Variants in MECOM observed in about 807,000 individuals in gnomAD.
MECOM encodes MDS1 and EVI1 complex locus.
Under a neutral mutation model 116.3 loss-of-function variants are expected in MECOM, and 13 were observed. The ratio of observed to expected loss-of-function variants is 0.11; its 90% CI spans 0.07 to 0.18. The LOEUF (loss-of-function observed/expected upper bound fraction) is 0.18, where lower values mean the gene tolerates loss of function less well. MECOM is among the 10% of genes least tolerant of loss of function. MECOM has a pLI of 1.00. For missense variants in MECOM, 1,299 were observed against 1,509.0 expected (o/e 0.86, Z 2.31); for synonymous variants, 528 against 535.2 (o/e 0.99, Z 0.19).
At chr3:169,615,750 A>T (rs1349393783) in intron 1 of MECOM, among the ~76,000 whole-genome samples, 1 of 152,244 alleles carries the variant, frequency 6.6e-6, no homozygotes, top group African/African-American at 2.4e-5. Context: ...TTGCAACTCA[A>T]ACAATGAATC....
chr3:169,415,313 CT>C (rs1453601061), intron 1 of MECOM, among the ~76,000 whole-genome samples: 1 of 152,154 alleles, frequency 6.6e-6, no homozygotes, highest in Non-Finnish European at 1.5e-5. Context: ...AAATAAAATC[CT>C]TTACAGACAA....
chr3:169,644,359 C>T (rs1003145459), intron 1 of MECOM, among the ~76,000 whole-genome samples: 2 of 152,018 alleles, frequency 1.3e-5, no homozygotes, highest in Admixed American at 6.6e-5. Context: ...TGGATTCAAG[C>T]GATTCTCTTT....
chr3:169,450,492 G>A (rs756491763), intron 1 of MECOM, among the ~76,000 whole-genome samples: 3 of 151,842 alleles, frequency 2.0e-5, no homozygotes, highest in Admixed American at 1.3e-4. Flanking sequence ...CCTGGTGACT[G>A]GAAACTACTC....
At chr3:169,212,166 A>T (rs1750807625) in intron 2 of MECOM, among the ~76,000 whole-genome samples, 2 of 152,042 alleles carry the variant, frequency 1.3e-5, no homozygotes, top group South Asian at 4.2e-4. Context: ...AACTACCCAC[A>T]TTTTTTCTCT....
chr3:169,442,905 T>C (rs1442104387), intron 1 of MECOM, among the ~76,000 whole-genome samples: 1 of 152,152 alleles, frequency 6.6e-6, no homozygotes, highest in African/African-American at 2.4e-5. Flanking sequence ...TGTATTACAG[T>C]CATTTGAATG....
At chr3:169,651,084 C>G (rs1412490455) in intron 1 of MECOM, among the ~76,000 whole-genome samples, 1 of 152,122 alleles carries the variant, frequency 6.6e-6, no homozygotes, top group Non-Finnish European at 1.5e-5. Flanking sequence ...TGTCTTGTTC[C>G]AGTTTGCAGA....
chr3:169,541,675 G>A (rs193225911), intron 1 of MECOM, among the ~76,000 whole-genome samples: 7 of 152,262 alleles, frequency 4.6e-5, no homozygotes, highest in Admixed American at 2.0e-4. Flanking sequence ...CTGCCATTCC[G>A]GATGCCCCTT....
intron 2 of MECOM, among the ~76,000 whole-genome samples, chr3:169,306,935 T>C (rs996712478): frequency 6.6e-6 from 1 of 152,138 alleles, no homozygotes; most frequent in Non-Finnish European, 1.5e-5. Context: ...ACTCCCAAAC[T>C]CTTATCTCCA....
At chr3:169,619,801 C>T (rs1290157359) in intron 1 of MECOM, among the ~76,000 whole-genome samples, 1 of 152,096 alleles carries the variant, frequency 6.6e-6, no homozygotes, top group African/African-American at 2.4e-5. Flanking sequence ...TTTATAAAAA[C>T]AAACTTGCCT....
At chr3:169,585,489 A>G (rs1352643039) in intron 1 of MECOM, among the ~76,000 whole-genome samples, 2 of 152,188 alleles carry the variant, frequency 1.3e-5, no homozygotes, top group African/African-American at 4.8e-5. Flanking sequence ...AGCTTCTTGA[A>G]GGCAAGAGAT....
intron 1 of MECOM, among the ~76,000 whole-genome samples, chr3:169,592,763 C>T (rs1403100773): frequency 6.6e-6 from 1 of 152,146 alleles, no homozygotes; most frequent in Non-Finnish European, 1.5e-5. Context: ...TCAATTAGGG[C>T]ACTTAAAGCC....
intron 1 of MECOM, among the ~76,000 whole-genome samples, chr3:169,439,715 C>T (rs1298481502): frequency 6.6e-6 from 1 of 152,134 alleles, no homozygotes; most frequent in East Asian, 1.9e-4. Flanking sequence ...CATGCCAATT[C>T]CAGTCTTGTA....
chr3:169,567,009 G>T (rs988331818), intron 1 of MECOM, among the ~76,000 whole-genome samples: 3 of 152,190 alleles, frequency 2.0e-5, no homozygotes, highest in Non-Finnish European at 4.4e-5. Context: ...CTCAACACAG[G>T]TCAGATGGGC....
chr3:169,241,795 C>T (rs1482086875), intron 2 of MECOM, among the ~76,000 whole-genome samples: 2 of 152,120 alleles, frequency 1.3e-5, no homozygotes, highest in Non-Finnish European at 2.9e-5. Flanking sequence ...AAGAATTTCA[C>T]TTTGGCTACT....
At chr3:169,187,019 G>A (rs1746874166) in intron 2 of MECOM, among the ~76,000 whole-genome samples, 1 of 152,102 alleles carries the variant, frequency 6.6e-6, no homozygotes, top group Admixed American at 6.6e-5. Context: ...AAACTTGGAG[G>A]TTTAAACTTG....
chr3:169,295,238 G>C (rs1715374162), intron 2 of MECOM, among the ~76,000 whole-genome samples: 1 of 152,058 alleles, frequency 6.6e-6, no homozygotes, highest in Admixed American at 6.6e-5. Context: ...GTAAGATATT[G>C]TTTAAAGAAA....
At chr3:169,208,518 T>C (rs1309167980) in intron 2 of MECOM, among the ~76,000 whole-genome samples, 2 of 151,912 alleles carry the variant, frequency 1.3e-5, no homozygotes, top group African/African-American at 2.4e-5. Flanking sequence ...GTCAATCTAA[T>C]AGCATTATTA....
At chr3:169,319,504 ATGGCATG>A (rs1351233229) in intron 2 of MECOM, among the ~76,000 whole-genome samples, 1 of 152,084 alleles carries the variant, frequency 6.6e-6, no homozygotes, top group Admixed American at 6.5e-5. Flanking sequence ...GCAAACCACC[ATGGCATG>A]TGTAAACCTG....
chr3:169,656,335 T>C (rs1017398371), intron 1 of MECOM, among the ~76,000 whole-genome samples: 2 of 152,208 alleles, frequency 1.3e-5, no homozygotes, highest in African/African-American at 4.8e-5. Flanking sequence ...AAATTTCTCC[T>C]TTAGAATTGT....
Sources: gnomAD v4.1 joint callset for allele counts (sites outside exome capture counted in the v4.1 genomes callset) on GRCh38, gnomAD v4.1.1 for gene constraint, MANE v1.5 for transcripts, NCBI Gene and HGNC (gene_info 2026-07-23, HGNC 2026-07-21) for gene names.